The following KYAT1 variants were observed in gnomAD, a reference collection of about 807,000 sequenced individuals.
KYAT1 encodes the protein kynurenine--oxoglutarate transaminase 1.
Under a neutral mutation model 52.4 loss-of-function variants are expected in KYAT1, and 47 were observed. The observed-to-expected ratio is 0.90, with a 90% CI of 0.71 to 1.14. KYAT1 has a LOEUF of 1.14. Ranked by LOEUF, KYAT1 falls within the 50% of genes most tolerant of loss-of-function variation. KYAT1 has a pLI of 0.00. For missense variants in KYAT1, 480 were observed against 557.9 expected (o/e 0.86, Z 1.41); for synonymous variants, 212 against 209.6 (o/e 1.01, Z -0.10).
chr9:128,865,411 G>A (rs1836233872), intron 1 of KYAT1, among the ~76,000 whole-genome samples: 1 of 121,206 alleles, frequency 8.3e-6, no homozygotes, highest in East Asian at 2.4e-4. Context: ...TGCCCAGGCT[G>A]GAGTGCAATG....
intron 1 of KYAT1, among the ~76,000 whole-genome samples, chr9:128,854,403 TA>T (rs1834335251): frequency 6.6e-6 from 1 of 152,024 alleles, no homozygotes; most frequent in African/African-American, 2.4e-5. Context: ...AAATAAAACA[TA>T]AAAAATAGAG....
intron 1 of KYAT1, among the ~76,000 whole-genome samples, chr9:128,857,575 G>A (rs1192979515): frequency 2.0e-5 from 3 of 152,168 alleles, no homozygotes; most frequent in Non-Finnish European, 2.9e-5. Flanking sequence ...GGTGTCTCAC[G>A]CCTGTAATCC....
intron 1 of KYAT1, among the ~76,000 whole-genome samples, chr9:128,851,017 C>T (rs1833889944): frequency 6.6e-6 from 1 of 152,156 alleles, no homozygotes; most frequent in African/African-American, 2.4e-5. Flanking sequence ...ACCCTGCTCT[C>T]CTACTGCATT....
In KYAT1 at chr9:128,836,027, G is replaced by A. The variant is rs760568460; in HGVS notation, c.735C>T (p.Ala245=). The change falls in exon 8 of 13, where the codon GCC becomes GCT. Residue 245 remains alanine (A), a synonymous_variant. Coordinates refer to ENST00000302586, the MANE Select transcript of KYAT1 (RefSeq NM_004059.5). ...MWERTLTIGS[A]GKTFSATGWK... The stretch of plus-strand genomic sequence containing the variant: ...AGCCAGTGGCGCTGAAGGTCTTGCC[G>A]GCGCTGCCGATGGTCAGGGTCCGTT... The A allele has an allele frequency of 2.5e-6, 4 of 1,613,746 alleles. No individual in the cohort carries two copies. The highest frequency in any genetic ancestry group is 2.2e-5 in the East Asian group (1 of 44,870).
chr9:128,876,640 C>A (rs1281342363), intron 1 of KYAT1, among the ~76,000 whole-genome samples: 2 of 150,174 alleles, frequency 1.3e-5, no homozygotes, highest in African/African-American at 4.9e-5. Context: ...AGGATGGTCT[C>A]AATCTCCTGA....
intron 1 of KYAT1, among the ~76,000 whole-genome samples, chr9:128,870,732 C>T (rs946905429): frequency 2.6e-5 from 4 of 152,082 alleles, no homozygotes; most frequent in African/African-American, 9.7e-5. Flanking sequence ...AATAACAAGT[C>T]TATAGAGACA....
intron 1 of KYAT1, 198 bp from the exon 2 acceptor site, chr9:128,845,609 T>G: frequency 3.5e-6 from 2 of 569,248 alleles, no homozygotes; most frequent in Non-Finnish European, 3.1e-6. Flanking sequence ...CCTCACCTGG[T>G]TCCTCTTGAC....
rs369630666 is a variant in KYAT1, at chr9:128,835,848, T to C, written c.786A>G (p.Pro262=). 7 of 1,614,134 alleles carry C rather than the reference T, an allele frequency of 4.3e-6. No homozygotes were observed. Among genetic ancestry groups the C allele is most frequent in the African/African-American group, 1.3e-5 (1 of 75,056 alleles). ...TCCGCAGGTGCTTCATGATGTGATC[T>C]GGACCCAGGACCCAGCCCACCTGCA... ...TGWKVGWVLG[P]DHIMKHLRTV... The change falls in exon 9 of 13, where the codon CCA becomes CCG. Residue 262 remains proline (P), a synonymous_variant. Coordinates refer to ENST00000302586, the MANE Select transcript of KYAT1 (RefSeq NM_004059.5).
rs755823202 is a variant in KYAT1 at position 128,845,334 on chromosome 9, C to T, written c.53+19G>A. On this transcript the variant is annotated intron_variant, in intron 2 of 12. Coordinates refer to ENST00000302586, the MANE Select transcript of KYAT1 (RefSeq NM_004059.5). The stretch of plus-strand genomic sequence containing the variant: ...GCCCGAGGGGACACCCACACACCTC[C>T]CCAGCCCAGCTGGCTCACCAGGGGT... 1.2e-6 allele frequency: 2 copies of T among 1,612,898 alleles called. No homozygotes were observed. The highest frequency in any genetic ancestry group is 1.3e-5 in the African/African-American group (1 of 75,048).
At chr9:128,850,572 C>G (rs924888156) in intron 1 of KYAT1, among the ~76,000 whole-genome samples, 1 of 152,176 alleles carries the variant, frequency 6.6e-6, no homozygotes, top group African/African-American at 2.4e-5. Context: ...CCTTGGAAAG[C>G]CGCGTATTGT....
At position 128,835,647 on chromosome 9, in the gene KYAT1, A is replaced by C; in HGVS notation, c.876T>G (p.Phe292Leu). The C allele has an allele frequency of 6.2e-7, 1 of 1,610,786 alleles. No homozygotes were observed. The highest frequency in any genetic ancestry group is 8.5e-7 in the Non-Finnish European group (1 of 1,179,898). Reference protein sequence around the residue: ...TQSQAAVAESFEREQLLFRQP... With the variant: ...TQSQAAVAESLEREQLLFRQP... ...GGCGGAAGAGCAGCTGCTCCCGTTC[A>C]AAGCTCTCGGCTACTGCAGCCTGGG... is the stretch of plus-strand genomic sequence containing the variant. Residue 292 changes from phenylalanine to leucine, a missense_variant, in exon 10 of 13, where the codon TTT becomes TTG. By Grantham distance (22) the Phe-to-Leu change is conservative. Coordinates refer to ENST00000302586, the MANE Select transcript of KYAT1 (RefSeq NM_004059.5).
At chr9:128,869,057 CT>C (rs1431573956) in intron 1 of KYAT1, among the ~76,000 whole-genome samples, 1 of 151,958 alleles carries the variant, frequency 6.6e-6, no homozygotes, top group African/African-American at 2.4e-5. Flanking sequence ...CCAGGCTGGT[CT>C]CAAATTTCTG....
chr9:128,833,626 C>T lies in KYAT1; in HGVS notation c.1227G>A (p.Gln409=), dbSNP rs772119011. 2 of 1,614,230 alleles carry T rather than the reference C, an allele frequency of 1.2e-6. No individual in the cohort carries two copies. Among genetic ancestry groups the T allele is most frequent in the South Asian group, 1.1e-5 (1 of 91,088 alleles). Residue 409 remains glutamine, a synonymous_variant, in exon 13 of 13, where the codon CAG becomes CAA. Coordinates refer to ENST00000302586, the MANE Select transcript of KYAT1 (RefSeq NM_004059.5). ...ACTTCCGCAGCTTCTCGTCCATGGC[C>T]TGGAGCGTGGCTTCATCCTGCGCCA... ...FCFVKDEATL[Q]AMDEKLRKWK...
chr9:128,835,378 C>T lies in KYAT1; in HGVS notation c.1067G>A (p.Gly356Glu), dbSNP rs773181470. 9.4e-5 allele frequency: 151 copies of T among 1,613,954 alleles called. No homozygotes were observed. Among genetic ancestry groups the T allele is most frequent in the Admixed American group, 8.8e-4 (53 of 59,988 alleles). ...TCTGTCATAGGGCTCATCCACAGCTCCAGGCAAGTCAGGCATCTTCCTCTC... is the reference window on the plus strand; with the variant it reads ...TCTGTCATAGGGCTCATCCACAGCTTCAGGCAAGTCAGGCATCTTCCTCTC... ...DFKRKMPDLPGAVDEPYDRRF... is the reference protein window; with the variant it reads ...DFKRKMPDLPEAVDEPYDRRF... The change falls in exon 11 of 13, where the codon GGA (glycine) becomes GAA (glutamate). Residue 356 changes from glycine to glutamate, a missense_variant. Physicochemically the swap from Gly to Glu is moderately conservative, Grantham distance 98 (BLOSUM62 -2). Transcript: ENST00000302586.
chr9:128,842,445 C>T (rs980103594), intron 3 of KYAT1, among the ~76,000 whole-genome samples: 1 of 152,180 alleles, frequency 6.6e-6, no homozygotes, highest in African/African-American at 2.4e-5. Context: ...TATCAACTGC[C>T]TGTCGTTACT....
chr9:128,849,883 CTTTTTTTTTT>C (rs537211110), intron 1 of KYAT1, among the ~76,000 whole-genome samples: 1 of 91,962 alleles, frequency 1.1e-5, no homozygotes, highest in Non-Finnish European at 1.9e-5. Context: ...TTATTTTCTT[CTTTTTTTTTT>C]TTTTTTTTTG....
intron 1 of KYAT1, among the ~76,000 whole-genome samples, chr9:128,872,393 A>T (rs1023588001): frequency 2.2e-4 from 33 of 151,760 alleles, no homozygotes; most frequent in African/African-American, 8.0e-4. Context: ...GCAGTGAGCC[A>T]AGATTGTGCC....
chr9:128,869,936 T>G (rs1199867150), intron 1 of KYAT1, among the ~76,000 whole-genome samples: 1 of 151,958 alleles, frequency 6.6e-6, no homozygotes, highest in African/African-American at 2.4e-5. Flanking sequence ...GTATTTTTAG[T>G]GGAGACAGGG....
intron 1 of KYAT1, among the ~76,000 whole-genome samples, chr9:128,861,531 A>T (rs371301219): frequency 7.6e-4 from 116 of 152,170 alleles, no homozygotes; most frequent in African/African-American, 2.8e-3. Context: ...TCTTTATAGC[A>T]GTGGGAGAAT....
Sources: gnomAD v4.1 joint callset for allele counts (sites outside exome capture counted in the v4.1 genomes callset) on GRCh38, gnomAD v4.1.1 for gene constraint, MANE v1.5 for transcripts, NCBI Gene and HGNC (gene_info 2026-07-23, HGNC 2026-07-21) for gene names.